The following ROBO2 variants were observed in gnomAD, a reference collection of about 807,000 sequenced individuals.
The protein encoded by ROBO2 is roundabout guidance receptor 2, also known as roundabout homolog 2.
Under a neutral mutation model 160.8 loss-of-function variants are expected in ROBO2, and 53 were observed. That is an observed-to-expected ratio of 0.33 (90% CI 0.26 to 0.41). The LOEUF is 0.41. ROBO2 is among the 10% of genes least tolerant of loss of function. The probability of loss-of-function intolerance (pLI) is 1.00; values close to 1 mark genes in which losing one functional copy is unlikely to be tolerated. For missense variants in ROBO2, 1,577 were observed against 1,722.4 expected (o/e 0.92, Z 1.49); for synonymous variants, 664 against 611.7 (o/e 1.09, Z -1.26).
intron 2 of ROBO2, among the ~76,000 whole-genome samples, chr3:76,894,676 G>A (rs2074627538): frequency 6.6e-6 from 1 of 152,080 alleles, no homozygotes; most frequent in Non-Finnish European, 1.5e-5. Context: ...CCTCTCAATT[G>A]CTTCCTAAGT....
intron 2 of ROBO2, among the ~76,000 whole-genome samples, chr3:77,395,117 T>A (rs978677452): frequency 6.6e-6 from 1 of 152,134 alleles, no homozygotes; most frequent in Non-Finnish European, 1.5e-5. Flanking sequence ...CAGTATTTGC[T>A]ATTTTCTACC....
intron 2 of ROBO2, among the ~76,000 whole-genome samples, chr3:76,725,386 T>C (rs754101359): frequency 6.6e-6 from 1 of 152,192 alleles, no homozygotes; most frequent in African/African-American, 2.4e-5. Flanking sequence ...ATTGGCTCTG[T>C]GGCAAACTGA....
At chr3:76,452,872 G>T (rs1209817978) in intron 2 of ROBO2, among the ~76,000 whole-genome samples, 277 of 151,528 alleles carry the variant, frequency 1.8e-3, no homozygotes, top group African/African-American at 6.0e-3. Context: ...CCATTCTAAC[G>T]GGTGTGAGAT....
intron 2 of ROBO2, among the ~76,000 whole-genome samples, chr3:77,143,309 C>T (rs1446694049): frequency 1.3e-5 from 2 of 150,536 alleles, no homozygotes; most frequent in African/African-American, 4.9e-5. Context: ...ATTCTCCTGC[C>T]TCAGCCTCCC....
At chr3:76,839,598 C>T (rs1392270116) in intron 2 of ROBO2, among the ~76,000 whole-genome samples, 3 of 152,126 alleles carry the variant, frequency 2.0e-5, no homozygotes, top group Non-Finnish European at 4.4e-5. Context: ...TGTATAAATG[C>T]TTATCAGAGA....
At chr3:77,602,759 T>C (rs563795477) in intron 20 of ROBO2, among the ~76,000 whole-genome samples, 2 of 148,916 alleles carry the variant, frequency 1.3e-5, no homozygotes, top group East Asian at 2.1e-4. Context: ...CTTTTAGCTC[T>C]TTTTCAACCT....
chr3:76,819,476 A>C (rs577111949), intron 2 of ROBO2, among the ~76,000 whole-genome samples: 1 of 152,150 alleles, frequency 6.6e-6, no homozygotes, highest in African/African-American at 2.4e-5. Context: ...TGTCCTTTAA[A>C]GGGGAATCGG....
rs550295468 is a variant in ROBO2, at chr3:76,406,992, G to GA, written c.109+469391dup. Among the ~76,000 whole-genome samples, 78 of 135,584 alleles carry GA rather than the reference G, an allele frequency of 5.8e-4. No individual in the cohort carries two copies. In the Admixed American group the frequency reaches 6.2e-3, roughly 11 times the overall value. The allele number at this position is 135,584 out of a possible 152,430, so 88.9% of individuals were successfully genotyped here. Reference sequence around the variant, plus strand: ...CCACATAAACTGGCCAGACCACCCTGAGTTGTTTTTTTTTTTTTTTTCATT... The same window carrying GA: ...CCACATAAACTGGCCAGACCACCCTGAAGTTGTTTTTTTTTTTTTTTTCATT... On this transcript the variant is annotated intron_variant, in intron 2 of 26. Coordinates refer to the ROBO2 transcript ENST00000487694.
In ROBO2 at chr3:76,882,961, A is replaced by G. The variant is rs139897558; in HGVS notation, c.110-215053A>G. Among the ~76,000 whole-genome samples the G allele has an allele frequency of 9.1e-3, 1,385 of 152,258 alleles. 24 individuals carry two copies. The highest frequency in any genetic ancestry group is 0.032 in the African/African-American group (1,327 of 41,562). On this transcript the variant is annotated intron_variant, in intron 2 of 26. Coordinates refer to the ROBO2 transcript ENST00000487694. ...TTTCCATTATCAGTTTGTTTTGTGT[A>G]TGTTAGCGTTACTTGTATCTGTAAA...
At chr3:76,617,128 G>A (rs1032664024) in intron 2 of ROBO2, among the ~76,000 whole-genome samples, 8 of 152,006 alleles carry the variant, frequency 5.3e-5, no homozygotes, top group Non-Finnish European at 7.4e-5. Flanking sequence ...ACTAACTAGC[G>A]TGGTCCAAAG....
intron 2 of ROBO2, among the ~76,000 whole-genome samples, chr3:76,325,273 T>A (rs1175434611): frequency 6.6e-6 from 1 of 152,214 alleles, no homozygotes; most frequent in Non-Finnish European, 1.5e-5. Context: ...TCAACTTTTA[T>A]GGTATCAAAG....
chr3:77,050,531 A>ATT (rs1016232741), intron 1 of ROBO2, among the ~76,000 whole-genome samples: 131 of 151,790 alleles, frequency 8.6e-4, no homozygotes, highest in Non-Finnish European at 7.9e-4. Flanking sequence ...AGAAAAGAAA[A>ATT]TGCTAGGTAC....
chr3:76,483,914 C>T (rs2079347437), intron 2 of ROBO2, among the ~76,000 whole-genome samples: 2 of 152,140 alleles, frequency 1.3e-5, no homozygotes, highest in Admixed American at 6.6e-5. Context: ...TTTATAGCTA[C>T]ATAGTATTCA....
chr3:76,673,711 G>C (rs1458303567), intron 2 of ROBO2, among the ~76,000 whole-genome samples: 2 of 151,924 alleles, frequency 1.3e-5, no homozygotes, highest in East Asian at 3.9e-4. Context: ...AGGACCAATA[G>C]GATCGTTTTT....
intron 2 of ROBO2, among the ~76,000 whole-genome samples, chr3:76,806,810 G>A (rs541519203): frequency 1.5e-4 from 23 of 152,024 alleles, no homozygotes; most frequent in Middle Eastern, 3.4e-3. Flanking sequence ...ACATATCAGA[G>A]CATTCTATTT....
At chr3:76,798,413 A>G (rs2063939795) in intron 2 of ROBO2, among the ~76,000 whole-genome samples, 1 of 152,210 alleles carries the variant, frequency 6.6e-6, no homozygotes, top group Non-Finnish European at 1.5e-5. Flanking sequence ...CACCCTAAAA[A>G]GATCATTCAG....
At chr3:76,304,684 G>A (rs560032061) in intron 2 of ROBO2, among the ~76,000 whole-genome samples, 7 of 151,462 alleles carry the variant, frequency 4.6e-5, no homozygotes, top group South Asian at 2.1e-4. Context: ...TGATTTTCTC[G>A]TTTTATTTTG....
chr3:75,920,616 T>C (rs1026498639), intron 1 of ROBO2, among the ~76,000 whole-genome samples: 3 of 152,164 alleles, frequency 2.0e-5, no homozygotes, highest in African/African-American at 4.8e-5. Context: ...CTGTCTAATA[T>C]TGATAGTGGG....
intron 21 of ROBO2, among the ~76,000 whole-genome samples, chr3:77,612,848 G>A (rs778959654): frequency 3.3e-5 from 5 of 152,084 alleles, no homozygotes; most frequent in Non-Finnish European, 7.4e-5. Context: ...AGCTACTCGG[G>A]AGGCTGAGGC....
Sources: allele counts gnomAD v4.1 joint callset (sites outside exome capture counted in the v4.1 genomes callset), GRCh38; gene constraint gnomAD v4.1.1; transcripts MANE v1.5; gene names NCBI Gene and HGNC (gene_info 2026-07-23, HGNC 2026-07-21).